Variants in ATRN observed in about 807,000 individuals in gnomAD.
ATRN encodes the protein attractin.
A neutral mutation model predicts 178.7 loss-of-function variants in ATRN; 54 were observed. The ratio of observed to expected loss-of-function variants is 0.30; its 90% CI spans 0.24 to 0.38. The LOEUF is 0.38. Among genes scored for constraint, ATRN ranks in the 10% least tolerant of loss-of-function variants. The probability of loss-of-function intolerance (pLI) is 1.00; values close to 1 mark genes in which losing one functional copy is unlikely to be tolerated. For synonymous variants in ATRN, 636 were observed against 663.0 expected (o/e 0.96, Z 0.63); for missense variants, 1,443 against 1,815.1 (o/e 0.79, Z 3.73).
intron 1 of ATRN, among the ~76,000 whole-genome samples, chr20:3,492,461 G>C (rs2084808158): frequency 6.6e-6 from 1 of 152,140 alleles, no homozygotes. Flanking sequence ...TTCTGCTGTA[G>C]GGTGCTTAGT....
At chr20:3,572,103 C>T (rs1600117953) in intron 11 of ATRN, among the ~76,000 whole-genome samples, 2 of 152,248 alleles carry the variant, frequency 1.3e-5, no homozygotes, top group South Asian at 4.1e-4. Flanking sequence ...TTACTGTGTA[C>T]TAAATGTACA....
chr20:3,487,948 A>G (rs1005476522), intron 1 of ATRN, among the ~76,000 whole-genome samples: 2 of 152,128 alleles, frequency 1.3e-5, no homozygotes, highest in African/African-American at 2.4e-5. Context: ...CTCGGTTCCA[A>G]TTCCCTGCCT....
Position 3,645,129 on chromosome 20 carries a change from A to G in ATRN, c.4165+861A>G, listed in dbSNP as rs2146329026. On this transcript the variant is annotated intron_variant, in intron 28 of 28. Coordinates refer to ENST00000262919, the MANE Select transcript of ATRN (RefSeq NM_139321.3). The surrounding 1 kb of genome is among the most constrained non-coding windows in gnomAD (Gnocchi z 4.7). ...GAGGATGCCTCAATGTGATCATTTTAGACAACTTTCAGTTGAGATGATTCT... is the reference window on the plus strand; with the variant it reads ...GAGGATGCCTCAATGTGATCATTTTGGACAACTTTCAGTTGAGATGATTCT... Among the ~76,000 whole-genome samples, 1 of 152,350 alleles carries G rather than the reference A, an allele frequency of 6.6e-6. No individual in the cohort carries two copies. The highest frequency in any genetic ancestry group is 1.9e-4 in the East Asian group (1 of 5,186).
chr20:3,575,318 G>A (rs879934736), intron 12 of ATRN, among the ~76,000 whole-genome samples: 6 of 152,194 alleles, frequency 3.9e-5, no homozygotes, highest in Non-Finnish European at 8.8e-5. Flanking sequence ...TAGTAGCCCA[G>A]AAATTCTCAG....
At chr20:3,471,999 T>C (rs949136726) in intron 1 of ATRN, among the ~76,000 whole-genome samples, 6 of 151,962 alleles carry the variant, frequency 3.9e-5, no homozygotes, top group Non-Finnish European at 8.8e-5. Context: ...TGGCTGGAGA[T>C]AAAAGGGAAA....
intron 24 of ATRN, among the ~76,000 whole-genome samples, chr20:3,619,571 G>T (rs962714274): frequency 6.6e-6 from 1 of 152,162 alleles, no homozygotes; most frequent in African/African-American, 2.4e-5. Flanking sequence ...ATGGCACATA[G>T]TAGATGCAAA....
At chr20:3,584,945 AAAG>A in intron 18 of ATRN, 65 bp downstream of exon 18, 1 of 1,481,956 alleles carries the variant, frequency 6.7e-7, no homozygotes, top group East Asian at 2.3e-5. Flanking sequence ...TAAAACCTTG[AAAG>A]CTACGTTGTG....
chr20:3,600,138 AGT>A (rs1002132770), intron 22 of ATRN, among the ~76,000 whole-genome samples: 6 of 152,220 alleles, frequency 3.9e-5, no homozygotes, highest in African/African-American at 1.4e-4. Flanking sequence ...GTCAAATTTC[AGT>A]TTGACTAATT....
At chr20:3,629,375 T>C in intron 25 of ATRN, 2 of 879,308 alleles carry the variant, frequency 2.3e-6, no homozygotes, top group Non-Finnish European at 2.7e-6. Flanking sequence ...TCCTATGTCT[T>C]CAAAAGCACA....
chr20:3,592,702 G>A (rs868089315), intron 19 of ATRN, among the ~76,000 whole-genome samples: 5 of 152,224 alleles, frequency 3.3e-5, no homozygotes, highest in Middle Eastern at 3.4e-3. Flanking sequence ...AGACCAGCCA[G>A]GAGAGAGGCA....
chr20:3,547,440 C>T lies in ATRN; in HGVS notation c.894C>T (p.Ile298=). The stretch of plus-strand genomic sequence containing the variant: ...ACTGTGGTTTTCCTCATCGAGGCAT[C>T]TGCAATTCAAGTGATGTCAGAGGAT... ...TDNCGFPHRG[I]CNSSDVRGCS... The change falls in exon 5 of 29, where the codon ATC becomes ATT. Residue 298 remains isoleucine (I), a synonymous_variant. Coordinates refer to ENST00000262919, the MANE Select transcript of ATRN (RefSeq NM_139321.3). 6.2e-7 allele frequency: 1 copy of T among 1,614,166 alleles called. No individual in the cohort carries two copies.
chr20:3,501,086 GT>G (rs1229520651), intron 1 of ATRN, among the ~76,000 whole-genome samples: 4 of 152,074 alleles, frequency 2.6e-5, no homozygotes, highest in Admixed American at 2.6e-4. Flanking sequence ...ATTGTAAACT[GT>G]TTTTAGTAAT....
At chr20:3,598,419 G>A (rs1276217829) in intron 22 of ATRN, among the ~76,000 whole-genome samples, 2 of 152,006 alleles carry the variant, frequency 1.3e-5, no homozygotes, top group Non-Finnish European at 2.9e-5. Flanking sequence ...ACCCCAATCA[G>A]ACAGCAAGGG....
intron 4 of ATRN, among the ~76,000 whole-genome samples, chr20:3,546,611 T>C (rs922322329): frequency 4.6e-5 from 7 of 152,054 alleles, no homozygotes; most frequent in East Asian, 1.9e-4. Flanking sequence ...CAGGCTGGTC[T>C]TGAACTCCTG....
intron 1 of ATRN, among the ~76,000 whole-genome samples, chr20:3,498,095 A>G (rs1355150044): frequency 1.3e-5 from 2 of 152,186 alleles, no homozygotes; most frequent in Non-Finnish European, 2.9e-5. Context: ...AAATGGATAA[A>G]TTCCTCGACA....
intron 6 of ATRN, among the ~76,000 whole-genome samples, chr20:3,554,469 G>A (rs2146211237): frequency 6.6e-6 from 1 of 151,990 alleles, no homozygotes; most frequent in African/African-American, 2.4e-5. Context: ...CCGAGTAGCT[G>A]GGACTACAGG....
In ATRN at chr20:3,533,890, T is replaced by C. The variant is rs80141220; in HGVS notation, c.411-1363T>C. 9.4e-3 allele frequency among the ~76,000 whole-genome samples: 1,430 copies of C among 152,310 alleles called. 9 individuals carry two copies. Among genetic ancestry groups the C allele is most frequent in the Non-Finnish European group, 0.015 (1,018 of 68,034 alleles). On this transcript the variant is annotated intron_variant, in intron 1 of 28. Coordinates refer to ENST00000262919, the MANE Select transcript of ATRN (RefSeq NM_139321.3). ...CCAGCCTGATCTTGAACTCATGGCC[T>C]CAAGCAGTCCTCCTGCCTCAGCCTC...
At chr20:3,588,193 A>G (rs1413852885) in intron 18 of ATRN, among the ~76,000 whole-genome samples, 1 of 152,108 alleles carries the variant, frequency 6.6e-6, no homozygotes, top group African/African-American at 2.4e-5. Flanking sequence ...TGAACCTGGA[A>G]TGTCTATTTA....
intron 5 of ATRN, among the ~76,000 whole-genome samples, chr20:3,548,743 T>C (rs2085744777): frequency 6.6e-6 from 1 of 152,202 alleles, no homozygotes. Context: ...GTAGGTTATA[T>C]GCAAGTGTTA....
Sources: allele counts gnomAD v4.1 joint callset (sites outside exome capture counted in the v4.1 genomes callset), GRCh38; gene constraint gnomAD v4.1.1; non-coding constraint Gnocchi (gnomAD v3.1); transcripts MANE v1.5; gene names NCBI Gene and HGNC (gene_info 2026-07-23, HGNC 2026-07-21).